The following APOL3 variants were observed in gnomAD, a reference collection of about 807,000 sequenced individuals.
APOL3 encodes the protein TNF-inducible protein CG12-1.
APOL3 carries 14 observed loss-of-function variants against 11.6 expected under a neutral mutation model. The ratio of observed to expected loss-of-function variants is 1.21; its 90% CI spans 0.80 to 1.89. The LOEUF (loss-of-function observed/expected upper bound fraction) is 1.89. Among genes scored for constraint, APOL3 ranks in the 40% most tolerant of loss-of-function variants. The pLI is 0.00. For missense variants in APOL3, 483 were observed against 492.1 expected, an observed-to-expected ratio of 0.98 and a Z score of 0.17; for synonymous variants, 192 against 190.6, an observed-to-expected ratio of 1.01 and a Z score of -0.06.
intron 1 of APOL3, among the ~76,000 whole-genome samples, chr22:36,151,493 A>G (rs748019260): frequency 5.9e-5 from 9 of 152,124 alleles, no homozygotes; most frequent in Non-Finnish European, 1.2e-4. Context: ...CTTCTTGAGA[A>G]TTAAAAGGTG....
At chr22:36,148,944 G>T (rs2060322829) in intron 1 of APOL3, 102 bp downstream of exon 2, 1 of 1,177,776 alleles carries the variant, frequency 8.5e-7, no homozygotes, top group South Asian at 1.2e-5. Context: ...CGGCCTGCTT[G>T]ACCATCCGGG....
chr22:36,144,276 T>A (rs1404615423), intron 2 of APOL3, among the ~76,000 whole-genome samples: 3 of 152,166 alleles, frequency 2.0e-5, no homozygotes, highest in Non-Finnish European at 4.4e-5. Flanking sequence ...CGAGCCTTCC[T>A]GCTGCTCCTC....
intron 1 of APOL3, chr22:36,149,910 G>C (rs1475946375): frequency 2.2e-6 from 1 of 456,146 alleles, no homozygotes; most frequent in Non-Finnish European, 4.4e-6. Context: ...GGCTGCAAGT[G>C]ATGCTTCTGC....
At chr22:36,144,862 A>T (rs132624) in intron 2 of APOL3, among the ~76,000 whole-genome samples, 83,408 of 151,292 alleles carry the variant, frequency 0.55, 24,121 homozygotes, top group Middle Eastern at 0.73. Context: ...ACAAAAAAAA[A>T]TAGCCGGATG....
intron 1 of APOL3, among the ~76,000 whole-genome samples, chr22:36,153,104 T>G (rs1242231879): frequency 6.6e-6 from 1 of 151,856 alleles, no homozygotes; most frequent in Non-Finnish European, 1.5e-5. Flanking sequence ...AGAGTGAAAT[T>G]CTGTCTCAGA....
chr22:36,142,156 T>C, intron 2 of APOL3, 98 bp from the exon 4 acceptor site: 1 of 1,327,200 alleles, frequency 7.5e-7, no homozygotes, highest in Non-Finnish European at 1.0e-6. Flanking sequence ...GAGCTATTAC[T>C]ATGAGTCAAA....
Position 36,141,586 on chromosome 22 carries a change from G to A in APOL3, c.823C>T (p.Pro275Ser), listed in dbSNP as rs914722061. Reference sequence around the variant, plus strand: ...TTATTAAGAAGGGAAAGTAAGTTGGGTGTGATGTCACGCATAACTTCCTTA... The same window carrying A: ...TTATTAAGAAGGGAAAGTAAGTTGGATGTGATGTCACGCATAACTTCCTTA... Residue 275 changes from proline (P) to serine (S), a missense_variant, in exon 3 of 3, where the codon CCC becomes TCC. Coordinates refer to ENST00000349314, the Ensembl canonical transcript of APOL3. 16 of 1,614,114 alleles carry A rather than the reference G, an allele frequency of 9.9e-6. No individual in the cohort carries two copies. The Admixed American group carries it at 1.7e-4, about 17-fold the overall frequency.
intron 1 of APOL3, among the ~76,000 whole-genome samples, chr22:36,155,196 A>G (rs1475321158): frequency 6.6e-6 from 1 of 152,174 alleles, no homozygotes; most frequent in Non-Finnish European, 1.5e-5. Flanking sequence ...AGGCCCCTCA[A>G]AGGTAGGGGT....
exon 3 of APOL3, chr22:36,140,948 C>T (rs2059961586): frequency 4.1e-6 from 2 of 490,610 alleles, no homozygotes; most frequent in Middle Eastern, 5.3e-4. Context: ...GAAATTTCTT[C>T]TTCCTATTCC....
upstream of APOL3, among the ~76,000 whole-genome samples, chr22:36,162,224 C>T (rs2013740546): frequency 1.3e-5 from 2 of 152,102 alleles, no homozygotes; most frequent in African/African-American, 4.8e-5. Flanking sequence ...CTAAGTTCAG[C>T]CCCAGAGCCA....
chr22:36,157,545 C>T (rs1472266365), intron 1 of APOL3, among the ~76,000 whole-genome samples: 1 of 152,106 alleles, frequency 6.6e-6, no homozygotes, highest in Admixed American at 6.5e-5. Flanking sequence ...GTTGGGAAGA[C>T]CTTTCGAATC....
intron 1 of APOL3, chr22:36,154,384 C>A: frequency 3.0e-6 from 1 of 329,416 alleles, no homozygotes; most frequent in Non-Finnish European, 6.0e-6. Flanking sequence ...TACTAACATT[C>A]AAGTGAGAAC....
upstream of APOL3, among the ~76,000 whole-genome samples, chr22:36,163,199 T>C (rs2013775970): frequency 6.6e-6 from 1 of 152,214 alleles, no homozygotes; most frequent in African/African-American, 2.4e-5. Flanking sequence ...GAGCCAGGAA[T>C]CACCCTCAAC....
chr22:36,141,798 G>A, exon 3 of APOL3: 2 of 1,614,242 alleles, frequency 1.2e-6, no homozygotes, highest in Non-Finnish European at 1.7e-6. Context: ...AACAAGACCA[G>A]CAAGGGACAT....
At chr22:36,164,097 A>G (rs1221463021), upstream of APOL3, among the ~76,000 whole-genome samples, 1 of 152,230 alleles carries the variant, frequency 6.6e-6, no homozygotes, top group Non-Finnish European at 1.5e-5. Flanking sequence ...TAACCCTTGC[A>G]ATCATTTCTC....
upstream of APOL3, among the ~76,000 whole-genome samples, chr22:36,163,868 G>C (rs963456922): frequency 6.6e-6 from 1 of 152,192 alleles, no homozygotes; most frequent in Non-Finnish European, 1.5e-5. Flanking sequence ...AGACTTTAGT[G>C]GACCTCAAGC....
intron 1 of APOL3, among the ~76,000 whole-genome samples, chr22:36,151,342 T>C (rs1569529447): frequency 6.6e-6 from 1 of 151,900 alleles, no homozygotes; most frequent in Non-Finnish European, 1.5e-5. Flanking sequence ...AAAAAATGAG[T>C]CCAGAAGAAA....
At chr22:36,160,586 T>A (rs1402783133) in intron 1 of APOL3, 83 bp downstream of exon 1, 3 of 1,442,802 alleles carry the variant, frequency 2.1e-6, no homozygotes, top group Non-Finnish European at 2.9e-6. Flanking sequence ...TCTGAGCTCA[T>A]CTACAAAAGG....
In APOL3 at chr22:36,145,600, C is replaced by T; in HGVS notation, c.224-1G>A. ...GCCTCTTCAGTAAAGCGTTTCTTTT[C>T]TACTTGGAAACAAAAAGCATAAGAT... On this transcript the variant is annotated splice_acceptor_variant, in intron 1 of 2. Transcript: ENST00000349314. LOFTEE classifies it high-confidence loss of function. 1 of 1,613,236 alleles carries T rather than the reference C, an allele frequency of 6.2e-7. No homozygotes were observed. Among genetic ancestry groups the T allele is most frequent in the Non-Finnish European group, 8.5e-7 (1 of 1,179,744 alleles).
Sources: gnomAD v4.1 joint callset for allele counts (sites outside exome capture counted in the v4.1 genomes callset) on GRCh38, gnomAD v4.1.1 for gene constraint, MANE v1.5 for transcripts, NCBI Gene and HGNC (gene_info 2026-07-23, HGNC 2026-07-21) for gene names.